CDON: variants seen among roughly 807,000 people sequenced by gnomAD.
The protein encoded by CDON is cell adhesion molecule-related/down-regulated by oncogenes.
CDON carries 73 observed loss-of-function variants against 120.9 expected under a neutral mutation model. That is an observed-to-expected ratio of 0.60 (90% CI 0.50 to 0.73). CDON has a LOEUF of 0.73. Ranked by LOEUF, CDON falls within the 30% of genes least tolerant of loss-of-function variation. The pLI is 0.00. For synonymous variants in CDON, 566 were observed against 573.5 expected (o/e 0.99, Z 0.19); for missense variants, 1,470 against 1,587.3 (o/e 0.93, Z 1.26).
chr11:126,052,989 G>C (rs1047209373), intron 1 of CDON, among the ~76,000 whole-genome samples: 2 of 152,128 alleles, frequency 1.3e-5, no homozygotes, highest in African/African-American at 2.4e-5. Flanking sequence ...AATTTGGATA[G>C]CCACAGGCAA....
In CDON at chr11:125,981,283, C is replaced by T. The variant is rs1946289556; in HGVS notation, c.3042G>A (p.Gly1014=). 1 of 1,613,986 alleles carries T rather than the reference C, an allele frequency of 6.2e-7. No individual in the cohort carries two copies. The highest frequency in any genetic ancestry group is 1.3e-5 in the African/African-American group (1 of 74,890). The part of the protein sequence containing the change: ...GYLYQGSDMN[G]QMVDYTTLSG... ...AGAGAGTGGTGTAGTCCACCATCTGCCCGTTCATATCTGATCCTTGGTAGA... is the reference window on the plus strand; with the variant it reads ...AGAGAGTGGTGTAGTCCACCATCTGTCCGTTCATATCTGATCCTTGGTAGA... Residue 1014 remains glycine (G), a synonymous_variant, in exon 17 of 20, where the codon GGG becomes GGA. Coordinates refer to ENST00000531738, the MANE Select transcript of CDON (RefSeq NM_001378964.1).
intron 1 of CDON, among the ~76,000 whole-genome samples, chr11:126,040,428 T>A (rs1243425162): frequency 1.3e-5 from 2 of 152,172 alleles, no homozygotes; most frequent in Non-Finnish European, 2.9e-5. Context: ...CTCAGCAATG[T>A]TTTCTGGGAA....
chr11:126,032,146 A>C (rs1947961200), intron 1 of CDON, among the ~76,000 whole-genome samples: 1 of 152,162 alleles, frequency 6.6e-6, no homozygotes, highest in Non-Finnish European at 1.5e-5. Context: ...CAGTTACATG[A>C]GAAAGGGACA....
At chr11:126,063,229 G>A (rs1353916160), upstream of CDON, 6 of 152,332 alleles carry the variant, frequency 3.9e-5, no homozygotes, top group East Asian at 1.2e-3. Flanking sequence ...GCCTTACCAA[G>A]TCACGGAGAT....
rs529396099 is a variant in CDON at position 125,977,854 on chromosome 11, T to C, written c.3356+450A>G. 3.3e-5 allele frequency among the ~76,000 whole-genome samples: 5 copies of C among 151,812 alleles called. No homozygotes were observed. In the South Asian group the frequency reaches 1.0e-3, roughly 32 times the overall value. On this transcript the variant is annotated intron_variant, in intron 18 of 19. Coordinates refer to ENST00000531738, the MANE Select transcript of CDON (RefSeq NM_001378964.1). ...AGAATTAAAAAAAAACACTGGATAA[T>C]CTGGTAGGAAAATTTCAGTAACATT...
intron 1 of CDON, among the ~76,000 whole-genome samples, chr11:126,024,050 C>T (rs1947713733): frequency 6.6e-6 from 1 of 152,146 alleles, no homozygotes; most frequent in South Asian, 2.1e-4. Flanking sequence ...GGACTCCTGG[C>T]TCATGGATTG....
chr11:126,010,916 G>A (rs772456725), intron 7 of CDON: 3 of 604,280 alleles, frequency 5.0e-6, no homozygotes, highest in South Asian at 4.6e-5. Flanking sequence ...TAAATTTCCT[G>A]TCCTTCAGAA....
intron 12 of CDON, among the ~76,000 whole-genome samples, 163 bp downstream of exon 12, chr11:125,997,044 G>T (rs1270705161): frequency 6.6e-6 from 1 of 152,082 alleles, no homozygotes; most frequent in African/African-American, 2.4e-5. Flanking sequence ...AGGCACGGTG[G>T]TGAGTGCCTG....
chr11:126,049,857 A>G (rs151324943), intron 1 of CDON, among the ~76,000 whole-genome samples: 4 of 152,334 alleles, frequency 2.6e-5, no homozygotes, highest in Non-Finnish European at 5.9e-5. Context: ...CAGATTTTGT[A>G]TTCATTCTAT....
chr11:126,032,061 T>G (rs962252906), intron 1 of CDON, among the ~76,000 whole-genome samples: 1 of 152,134 alleles, frequency 6.6e-6, no homozygotes, highest in Non-Finnish European at 1.5e-5. Context: ...CATGACTCTT[T>G]CCATGAAAAG....
rs1447214182 is a variant in CDON at position 125,957,021 on chromosome 11, C to T, written c.*3921G>A. ...TGTGTATTTTCTTAGGGCAGTAAAACAAAACGTTTTCACAAGGAGGCTAAA... is the reference window on the plus strand; with the variant it reads ...TGTGTATTTTCTTAGGGCAGTAAAATAAAACGTTTTCACAAGGAGGCTAAA... On this transcript the variant is annotated 3_prime_UTR_variant, in exon 20 of 20. Coordinates refer to ENST00000531738, the MANE Select transcript of CDON (RefSeq NM_001378964.1). The T allele has an allele frequency of 1.2e-5, 3 of 250,786 alleles. No individual in the cohort carries two copies. The highest frequency in any genetic ancestry group is 1.9e-5 in the Non-Finnish European group (3 of 158,712). 15.5% of individuals were successfully genotyped at this position (250,786 alleles called of 1,614,324 possible). A position where few individuals can be genotyped will look rare whatever the true frequency, so the allele number is the denominator to read the frequency against.
intron 3 of CDON, 130 bp downstream of exon 3, chr11:126,021,118 A>G (rs543690821): frequency 5.9e-5 from 54 of 914,390 alleles, no homozygotes; most frequent in East Asian, 1.6e-4. Context: ...TCACAGCAAG[A>G]GTCAAGGCTG....
At chr11:125,965,130 C>T (rs1420265668) in intron 18 of CDON, among the ~76,000 whole-genome samples, 3 of 152,024 alleles carry the variant, frequency 2.0e-5, no homozygotes, top group East Asian at 1.9e-4. Flanking sequence ...GGGGTTTCAC[C>T]GTGTTGCCCA....
At chr11:125,990,160 T>C (rs586197) in intron 14 of CDON, among the ~76,000 whole-genome samples, 86,113 of 152,020 alleles carry the variant, frequency 0.57, 24,766 homozygotes, top group African/African-American at 0.66. Context: ...ACAGGACATT[T>C]GGGACCAGCA....
intron 16 of CDON, among the ~76,000 whole-genome samples, chr11:125,981,965 A>ATTT (rs1591562448): frequency 8.7e-4 from 30 of 34,376 alleles, no homozygotes; most frequent in South Asian, 2.0e-3. Context: ...AAGTGATTCT[A>ATTT]TTTTCTTTTT....
At chr11:126,030,519 T>C (rs1236869312) in intron 1 of CDON, among the ~76,000 whole-genome samples, 8 of 152,212 alleles carry the variant, frequency 5.3e-5, no homozygotes, top group African/African-American at 7.2e-5. Context: ...TTCTTCAAAA[T>C]AGGAAATTAT....
intron 18 of CDON, among the ~76,000 whole-genome samples, chr11:125,971,931 C>A (rs1946010991): frequency 6.6e-6 from 1 of 152,274 alleles, no homozygotes; most frequent in African/African-American, 2.4e-5. Flanking sequence ...GCATTACTGC[C>A]TTTTGAATTC....
chr11:125,995,921 G>C (rs1485854155), intron 12 of CDON, among the ~76,000 whole-genome samples: 1 of 152,172 alleles, frequency 6.6e-6, no homozygotes, highest in Non-Finnish European at 1.5e-5. Context: ...TGAAAGTACA[G>C]AAAGTTTATT....
chr11:125,979,358 CGA>C (rs1317340886), intron 17 of CDON, among the ~76,000 whole-genome samples: 1 of 152,110 alleles, frequency 6.6e-6, no homozygotes, highest in Admixed American at 6.5e-5. Context: ...AAGAACATAT[CGA>C]GAGAAAGAAC....
Sources: gnomAD v4.1 joint callset for allele counts (sites outside exome capture counted in the v4.1 genomes callset) on GRCh38, gnomAD v4.1.1 for gene constraint, MANE v1.5 for transcripts, NCBI Gene and HGNC (gene_info 2026-07-23, HGNC 2026-07-21) for gene names.